DOK5: variants seen among roughly 807,000 people sequenced by gnomAD.
The protein encoded by DOK5 is docking protein 5.
DOK5 carries 27 observed loss-of-function variants against 43.3 expected under a neutral mutation model. That is an observed-to-expected ratio of 0.62 (90% CI 0.46 to 0.86). The LOEUF (loss-of-function observed/expected upper bound fraction) is 0.86, where lower values mean the gene tolerates loss of function less well. DOK5 is among the 40% of genes least tolerant of loss of function. The probability of loss-of-function intolerance (pLI) is 0.00; values close to 1 mark genes in which losing one functional copy is unlikely to be tolerated. For missense variants in DOK5, 373 were observed against 392.9 expected, an observed-to-expected ratio of 0.95 and a Z score of 0.43; for synonymous variants, 146 against 140.1, an observed-to-expected ratio of 1.04 and a Z score of -0.30.
intron 1 of DOK5, among the ~76,000 whole-genome samples, chr20:54,520,854 GT>G (rs1983368142): frequency 7.4e-6 from 1 of 135,332 alleles, no homozygotes; most frequent in East Asian, 1.9e-4. Context: ...AAAATACAGA[GT>G]CCTTCATGGC....
At chr20:54,510,908 A>G (rs1982993046) in intron 1 of DOK5, among the ~76,000 whole-genome samples, 2 of 152,186 alleles carry the variant, frequency 1.3e-5, no homozygotes, top group East Asian at 1.9e-4. Context: ...GGTTTGATCA[A>G]CACTGTCCGT....
chr20:54,584,146 AAAT>A (rs1350848914), intron 2 of DOK5, among the ~76,000 whole-genome samples: 1 of 151,888 alleles, frequency 6.6e-6, no homozygotes, highest in Non-Finnish European at 1.5e-5. Context: ...TCTGTTTAAA[AAAT>A]AATAATAAAT....
At chr20:54,615,572 A>G (rs1444427153) in intron 6 of DOK5, among the ~76,000 whole-genome samples, 1 of 152,164 alleles carries the variant, frequency 6.6e-6, no homozygotes, top group Non-Finnish European at 1.5e-5. Context: ...AGGTGGAAGA[A>G]GGGACTGTGA....
intron 2 of DOK5, among the ~76,000 whole-genome samples, chr20:54,559,429 G>A (rs1044541346): frequency 2.0e-5 from 3 of 152,220 alleles, no homozygotes; most frequent in African/African-American, 7.2e-5. Flanking sequence ...ACATGTGGCT[G>A]AGTCTGCAGG....
chr20:54,599,868 G>C (rs1015408747), intron 5 of DOK5, among the ~76,000 whole-genome samples: 1 of 152,182 alleles, frequency 6.6e-6, no homozygotes, highest in African/African-American at 2.4e-5. Flanking sequence ...AGATGTAGCA[G>C]TGAAAACAAC....
chr20:54,619,657 C>G (rs1019352224), intron 6 of DOK5, among the ~76,000 whole-genome samples: 20 of 151,998 alleles, frequency 1.3e-4, no homozygotes, highest in African/African-American at 4.6e-4. Context: ...TCAATCTGAA[C>G]TTTTTTTTGT....
At chr20:54,578,314 A>T (rs13040223) in intron 2 of DOK5, among the ~76,000 whole-genome samples, 27,957 of 152,092 alleles carry the variant, frequency 0.18, 2,819 homozygotes, top group African/African-American at 0.23. Context: ...AGGTCCTAAT[A>T]CTGACATTTT....
At chr20:54,550,352 A>G (rs1283919107) in intron 1 of DOK5, among the ~76,000 whole-genome samples, 1 of 152,242 alleles carries the variant, frequency 6.6e-6, no homozygotes, top group African/African-American at 2.4e-5. Flanking sequence ...AAGAAATATT[A>G]CAAAAAGATC....
chr20:54,570,998 A>G (rs1263180327), intron 2 of DOK5, among the ~76,000 whole-genome samples: 1 of 152,256 alleles, frequency 6.6e-6, no homozygotes, highest in Non-Finnish European at 1.5e-5. Context: ...TTTATGATGA[A>G]TAAGACATCT....
At chr20:54,542,099 TAC>T (rs59020714) in intron 1 of DOK5, among the ~76,000 whole-genome samples, 10,993 of 121,438 alleles carry the variant, frequency 0.091, 428 homozygotes, top group African/African-American at 0.15. Context: ...TATTATAAGA[TAC>T]ACACACACAC....
intron 2 of DOK5, among the ~76,000 whole-genome samples, chr20:54,570,800 A>G (rs1022695941): frequency 1.3e-5 from 2 of 152,252 alleles, no homozygotes; most frequent in African/African-American, 4.8e-5. Flanking sequence ...TTTTTGAAAC[A>G]GCAGAAGAAA....
At chr20:54,550,180 C>CAAAAA (rs11483522) in intron 1 of DOK5, among the ~76,000 whole-genome samples, 1 of 87,436 alleles carries the variant, frequency 1.1e-5, no homozygotes. Flanking sequence ...GATTGGATGG[C>CAAAAA]AAAAAAAAAA....
intron 1 of DOK5, among the ~76,000 whole-genome samples, chr20:54,499,898 G>A (rs1982533523): frequency 6.6e-6 from 1 of 152,206 alleles, no homozygotes; most frequent in Non-Finnish European, 1.5e-5. Context: ...AACAGGAGGA[G>A]CGAGGGGCTC....
At chr20:54,578,495 A>G (rs1422710088) in intron 2 of DOK5, among the ~76,000 whole-genome samples, 2 of 152,208 alleles carry the variant, frequency 1.3e-5, no homozygotes, top group Non-Finnish European at 2.9e-5. Context: ...CAGGCAGGTA[A>G]CAGCCCAGAA....
At chr20:54,579,188 T>C (rs1223504081) in intron 2 of DOK5, among the ~76,000 whole-genome samples, 1 of 152,210 alleles carries the variant, frequency 6.6e-6, no homozygotes, top group Non-Finnish European at 1.5e-5. Flanking sequence ...GGTTTTTGTT[T>C]AAATAAATTT....
At chr20:54,613,389 T>C (rs1986714697) in intron 6 of DOK5, among the ~76,000 whole-genome samples, 1 of 152,184 alleles carries the variant, frequency 6.6e-6, no homozygotes, top group African/African-American at 2.4e-5. Context: ...GAAATCATTA[T>C]ATTTATTATT....
rs187516239 is a variant in DOK5 at position 54,628,398 on chromosome 20, G to T, written c.736-15060G>T. ...CACTCCAGCCTGGGCGACAGAGCGA[G>T]ACTCCGTCTCAAAAAAAAAAAAAAA... On this transcript the variant is annotated intron_variant, in intron 6 of 7. Coordinates refer to ENST00000262593, the MANE Select transcript of DOK5 (RefSeq NM_018431.5). Among the ~76,000 whole-genome samples, 863 of 97,048 alleles carry T rather than the reference G, an allele frequency of 8.9e-3. 5 individuals are homozygous for T. Among genetic ancestry groups the T allele is most frequent in the African/African-American group, 0.039 (821 of 21,250 alleles). The allele number at this position is 97,048 out of a possible 152,430, so 63.7% of individuals were successfully genotyped here. A position where few individuals can be genotyped will look rare whatever the true frequency, so the allele number is the denominator to read the frequency against.
At chr20:54,569,738 G>T (rs531762584) in intron 2 of DOK5, among the ~76,000 whole-genome samples, 1 of 152,270 alleles carries the variant, frequency 6.6e-6, no homozygotes, top group East Asian at 1.9e-4. Context: ...ATTTTTAAAA[G>T]AATGCACGGT....
intron 1 of DOK5, among the ~76,000 whole-genome samples, chr20:54,482,302 G>T (rs906074188): frequency 5.9e-5 from 9 of 152,102 alleles, no homozygotes; most frequent in Admixed American, 5.2e-4. Flanking sequence ...TCAGCTCACG[G>T]CCAGGTTTTA....
Sources: gnomAD v4.1 joint callset for allele counts (sites outside exome capture counted in the v4.1 genomes callset) on GRCh38, gnomAD v4.1.1 for gene constraint, MANE v1.5 for transcripts, NCBI Gene and HGNC (gene_info 2026-07-23, HGNC 2026-07-21) for gene names.